DEPDC1B: variants seen among roughly 807,000 people sequenced by gnomAD.
DEPDC1B encodes DEP domain containing 1B, also known as DEP domain-containing protein 1B.
A neutral mutation model predicts 66.5 loss-of-function variants in DEPDC1B; 51 were observed. The ratio of observed to expected loss-of-function variants is 0.77; its 90% CI spans 0.61 to 0.97. The LOEUF is 0.97. Among genes scored for constraint, DEPDC1B ranks in the 50% least tolerant of loss-of-function variants. DEPDC1B has a pLI of 0.00. For synonymous variants in DEPDC1B, 226 were observed against 223.6 expected (o/e 1.01, Z -0.10); for missense variants, 552 against 637.1 (o/e 0.87, Z 1.44).
intron 1 of DEPDC1B, among the ~76,000 whole-genome samples, chr5:60,696,767 T>C (rs1219147593): frequency 6.6e-6 from 1 of 152,242 alleles, no homozygotes; most frequent in Non-Finnish European, 1.5e-5. Flanking sequence ...CACACAATTG[T>C]TTTTTCTTAA....
chr5:60,667,171 T>C (rs904815847), intron 2 of DEPDC1B, among the ~76,000 whole-genome samples: 2 of 152,116 alleles, frequency 1.3e-5, no homozygotes, highest in African/African-American at 4.8e-5. Flanking sequence ...TCTCTGACTT[T>C]GAGTAATGAA....
intron 1 of DEPDC1B, among the ~76,000 whole-genome samples, chr5:60,692,985 G>A (rs1754580341): frequency 6.6e-6 from 1 of 152,126 alleles, no homozygotes; most frequent in African/African-American, 2.4e-5. Flanking sequence ...ACCTTCATAA[G>A]GAGGTAGGGA....
At chr5:60,637,788 ATTGTTGTATT>A (rs1380152088) in intron 7 of DEPDC1B, among the ~76,000 whole-genome samples, 1 of 152,214 alleles carries the variant, frequency 6.6e-6, no homozygotes, top group African/African-American at 2.4e-5. Flanking sequence ...ATGATTGATA[ATTGTTGTATT>A]TTGTTATTAT....
At position 60,663,799 on chromosome 5, in the gene DEPDC1B, C is replaced by T. The variant is rs894212279; in HGVS notation, c.315-16266G>A. On this transcript the variant is annotated intron_variant, in intron 2 of 10. Coordinates refer to ENST00000265036, the MANE Select transcript of DEPDC1B (RefSeq NM_018369.3). ...CCACTCAAGCGCTTTTAAACTTCCT[C>T]ACCACTTGTGGCTACAAGGTTTCCA... Among the ~76,000 whole-genome samples, 7 of 152,364 alleles carry T rather than the reference C, an allele frequency of 4.6e-5. 1 individual carries two copies. Among genetic ancestry groups the T allele is most frequent in the African/African-American group, 2.4e-5 (1 of 41,586 alleles).
intron 1 of DEPDC1B, among the ~76,000 whole-genome samples, 155 bp downstream of exon 1, chr5:60,699,891 C>T (rs544455074): frequency 6.6e-6 from 1 of 152,348 alleles, no homozygotes; most frequent in East Asian, 1.9e-4. Context: ...TGAGGCTCGT[C>T]CACTAAAAGG....
intron 8 of DEPDC1B, 151 bp from the exon 9 acceptor site, chr5:60,603,718 G>A (rs186000726): frequency 2.3e-5 from 16 of 707,960 alleles, no homozygotes; most frequent in Non-Finnish European, 2.7e-5. Flanking sequence ...ATGGGTTGAC[G>A]GTCTCAACAA....
intron 5 of DEPDC1B, 108 bp downstream of exon 5, chr5:60,644,637 A>G: frequency 1.1e-6 from 1 of 890,184 alleles, no homozygotes; most frequent in South Asian, 2.6e-5. Flanking sequence ...ATACGTAATG[A>G]AGGAACAAAC....
intron 7 of DEPDC1B, 36 bp downstream of exon 7, chr5:60,638,714 G>A: frequency 6.4e-7 from 1 of 1,552,644 alleles, no homozygotes; most frequent in Non-Finnish European, 8.7e-7. Context: ...TTCAATATCA[G>A]TGATGTAGAT....
At chr5:60,599,328 G>C in intron 9 of DEPDC1B, 68 bp from the exon 10 acceptor site, 4 of 1,270,770 alleles carry the variant, frequency 3.1e-6, no homozygotes, top group Admixed American at 2.7e-5. Flanking sequence ...AATTAGTTTA[G>C]ATCAAATACA....
At chr5:60,684,106 CA>C (rs903415208) in intron 2 of DEPDC1B, among the ~76,000 whole-genome samples, 1 of 151,614 alleles carries the variant, frequency 6.6e-6, no homozygotes, top group Non-Finnish European at 1.5e-5. Flanking sequence ...AAGAGAGACA[CA>C]AAAAAATGGA....
chr5:60,683,787 C>T (rs1458804315), intron 2 of DEPDC1B, among the ~76,000 whole-genome samples: 1 of 151,900 alleles, frequency 6.6e-6, no homozygotes, highest in East Asian at 1.9e-4. Context: ...AAGAAATAAA[C>T]GACATATAAA....
chr5:60,646,038 G>A (rs1459811735), intron 3 of DEPDC1B, among the ~76,000 whole-genome samples: 1 of 152,154 alleles, frequency 6.6e-6, no homozygotes, highest in Non-Finnish European at 1.5e-5. Context: ...TACTTTTGAG[G>A]ACTGTCTATT....
chr5:60,606,925 A>G (rs1237689626), intron 7 of DEPDC1B, among the ~76,000 whole-genome samples: 1 of 152,088 alleles, frequency 6.6e-6, no homozygotes, highest in Non-Finnish European at 1.5e-5. Context: ...TCAAGTTACC[A>G]CTAGTCTTTG....
chr5:60,671,315 C>T (rs893806085), intron 2 of DEPDC1B, among the ~76,000 whole-genome samples: 5 of 152,286 alleles, frequency 3.3e-5, no homozygotes, highest in Non-Finnish European at 5.9e-5. Context: ...TGTGGGCAAG[C>T]GGATCTGTGA....
intron 7 of DEPDC1B, among the ~76,000 whole-genome samples, chr5:60,620,515 T>G (rs1333618811): frequency 9.2e-5 from 14 of 152,212 alleles, no homozygotes; most frequent in Non-Finnish European, 1.5e-4. Flanking sequence ...AAGACATTTA[T>G]GCAGCCAAAA....
At chr5:60,667,955 A>G (rs1416196425) in intron 2 of DEPDC1B, among the ~76,000 whole-genome samples, 1 of 124,750 alleles carries the variant, frequency 8.0e-6, no homozygotes, top group Non-Finnish European at 1.6e-5. Context: ...GATATTTTAT[A>G]TATATAATGG....
At chr5:60,610,301 T>C (rs1373653460) in intron 7 of DEPDC1B, among the ~76,000 whole-genome samples, 1 of 152,176 alleles carries the variant, frequency 6.6e-6, no homozygotes, top group East Asian at 1.9e-4. Flanking sequence ...ACCAAATCAA[T>C]GTACTACACT....
In DEPDC1B at chr5:60,599,403, T is replaced by C. The variant is rs1752159037; in HGVS notation, c.1243-143A>G. 1.2e-5 allele frequency: 6 copies of C among 493,262 alleles called. No homozygotes were observed. The South Asian group carries it at 4.6e-4, about 38-fold the overall frequency. The allele number at this position is 493,262 out of a possible 1,614,324, so 30.6% of individuals were successfully genotyped here. A position where few individuals can be genotyped will look rare whatever the true frequency, so the allele number is the denominator to read the frequency against. On this transcript the variant is annotated intron_variant, in intron 9 of 10. Coordinates refer to ENST00000265036, the MANE Select transcript of DEPDC1B (RefSeq NM_018369.3). The stretch of plus-strand genomic sequence containing the variant: ...CAAAATTTGATTGGGGGAAACTCTA[T>C]ATTGAAAAGTAAAAGTATTTCCATA...
chr5:60,638,039 C>T (rs562826904), intron 7 of DEPDC1B, among the ~76,000 whole-genome samples: 28 of 152,294 alleles, frequency 1.8e-4, no homozygotes, highest in African/African-American at 6.5e-4. Flanking sequence ...ATTCCTACAA[C>T]TTTACCTAAC....
Sources: allele counts gnomAD v4.1 joint callset (sites outside exome capture counted in the v4.1 genomes callset), GRCh38; gene constraint gnomAD v4.1.1; transcripts MANE v1.5; gene names NCBI Gene and HGNC (gene_info 2026-07-23, HGNC 2026-07-21).